Variants in MED13 observed in about 807,000 individuals in gnomAD.
MED13 encodes mediator of RNA polymerase II transcription subunit 13.
Under a neutral mutation model 225.2 loss-of-function variants are expected in MED13, and 23 were observed. That is an observed-to-expected ratio of 0.10 (90% CI 0.07 to 0.14). The LOEUF is 0.14. Among genes scored for constraint, MED13 ranks in the 10% least tolerant of loss-of-function variants. The pLI is 1.00. For missense variants in MED13, 2,197 were observed against 2,594.5 expected (o/e 0.85, Z 3.33); for synonymous variants, 942 against 889.2 (o/e 1.06, Z -1.06).
chr17:62,022,954 G>A (rs1334963618), intron 8 of MED13, among the ~76,000 whole-genome samples: 2 of 151,576 alleles, frequency 1.3e-5, no homozygotes, highest in Admixed American at 6.6e-5. Flanking sequence ...AGGCTATAAT[G>A]AGCCATGATT....
In MED13 at chr17:61,946,796, T is replaced by A. The variant is rs573788968; in HGVS notation, c.6392+121A>T. ...ACTCAAGTTAGAATAGCAGTGTTTA[T>A]CTAGAGATCCACTGGTACACAACTG... On this transcript the variant is annotated intron_variant, in intron 29 of 29. Transcript: ENST00000397786. The A allele has an allele frequency of 1.2e-4, 133 of 1,087,652 alleles. No homozygotes were observed. The Middle Eastern group carries it at 1.5e-3, about 12-fold the overall frequency. The allele number at this position is 1,087,652 out of a possible 1,614,324, so 67.4% of individuals were successfully genotyped here.
intron 9 of MED13, among the ~76,000 whole-genome samples, chr17:62,000,458 C>T (rs1341055787): frequency 6.6e-6 from 1 of 152,194 alleles, no homozygotes; most frequent in Non-Finnish European, 1.5e-5. Flanking sequence ...GATGTACTCA[C>T]ATTACATGTA....
intron 16 of MED13, among the ~76,000 whole-genome samples, chr17:61,981,886 TA>T (rs1457182584): frequency 6.6e-6 from 1 of 152,246 alleles, no homozygotes; most frequent in Non-Finnish European, 1.5e-5. Flanking sequence ...AGGTGCCCAG[TA>T]AATACTTAAT....
At chr17:62,062,604 A>ACAC (rs1568010392) in intron 2 of MED13, among the ~76,000 whole-genome samples, 151 of 56,954 alleles carry the variant, frequency 2.7e-3, no homozygotes, top group African/African-American at 0.021. Context: ...CACACACCAC[A>ACAC]CACACACACA....
chr17:62,000,198 CACTTAACACAAAT>C (rs2080382299), intron 9 of MED13, among the ~76,000 whole-genome samples: 1 of 152,190 alleles, frequency 6.6e-6, no homozygotes, highest in South Asian at 2.1e-4. Flanking sequence ...AATGGAGTTT[CACTTAACACAAAT>C]AAAACAAAGC....
chr17:61,961,491 G>C lies in MED13; in HGVS notation c.5256+97C>G, dbSNP rs192847249. On this transcript the variant is annotated intron_variant, in intron 22 of 29. Coordinates refer to ENST00000397786, the MANE Select transcript of MED13 (RefSeq NM_005121.3). Reference sequence around the variant, plus strand: ...GCTGAGATTGCCCCACTGCACTCCAGCCTGGGTGACAAAGCAAGGCTCCAT... The same window carrying C: ...GCTGAGATTGCCCCACTGCACTCCACCCTGGGTGACAAAGCAAGGCTCCAT... 8.7e-6 allele frequency: 10 copies of C among 1,145,854 alleles called. No individual in the cohort carries two copies. In the Admixed American group the frequency reaches 2.8e-4, roughly 32 times the overall value. The allele number at this position is 1,145,854 out of a possible 1,614,324, so 71.0% of individuals were successfully genotyped here.
chr17:62,049,078 CAAAAAAA>C (rs890393330), intron 3 of MED13, among the ~76,000 whole-genome samples: 2 of 45,330 alleles, frequency 4.4e-5, no homozygotes, highest in East Asian at 8.2e-4. Context: ...GTAAATAAGA[CAAAAAAA>C]AAAAAAAAAA....
chr17:61,987,650 C>G (rs1326054081), intron 11 of MED13, among the ~76,000 whole-genome samples: 1 of 151,958 alleles, frequency 6.6e-6, no homozygotes, highest in East Asian at 1.9e-4. Flanking sequence ...GTCAGGTAAT[C>G]CATAAAATAG....
rs1230719162 is a variant in MED13, at chr17:61,952,886, C to T, written c.6117+79G>A. On this transcript the variant is annotated intron_variant, in intron 27 of 29. Coordinates refer to ENST00000397786, the MANE Select transcript of MED13 (RefSeq NM_005121.3). ...TCCTGACCTCGTGATCCACCTGCTT[C>T]GCCCTCCCAAAGTGCTGGGATTTTA... 45 of 1,475,356 alleles carry T rather than the reference C, an allele frequency of 3.1e-5. No individual in the cohort carries two copies. The East Asian group carries it at 6.2e-4, about 20-fold the overall frequency. 91.4% of individuals were successfully genotyped at this position (1,475,356 alleles called of 1,614,324 possible). A position where few individuals can be genotyped will look rare whatever the true frequency, so the allele number is the denominator to read the frequency against.
At chr17:62,000,910 C>G (rs2080389196) in intron 9 of MED13, among the ~76,000 whole-genome samples, 1 of 151,922 alleles carries the variant, frequency 6.6e-6, no homozygotes, top group Admixed American at 6.6e-5. Flanking sequence ...TTACAGGCGC[C>G]TGCCACCACG....
intron 9 of MED13, among the ~76,000 whole-genome samples, chr17:62,000,519 T>A (rs550562639): frequency 6.6e-6 from 1 of 152,158 alleles, no homozygotes; most frequent in Non-Finnish European, 1.5e-5. Context: ...AGTATCAATC[T>A]CTCTCCTTCA....
chr17:62,048,078 A>G (rs891787376), intron 3 of MED13, among the ~76,000 whole-genome samples: 1 of 145,840 alleles, frequency 6.9e-6, no homozygotes, highest in Non-Finnish European at 1.5e-5. Flanking sequence ...ATATGTATAT[A>G]TATATCCCTG....
At chr17:61,963,914 A>G (rs1286054650) in intron 20 of MED13, among the ~76,000 whole-genome samples, 1 of 152,258 alleles carries the variant, frequency 6.6e-6, no homozygotes, top group Non-Finnish European at 1.5e-5. Context: ...CACTATAAAT[A>G]ACTTGGAATC....
chr17:62,024,849 T>C (rs2080685030), intron 8 of MED13, among the ~76,000 whole-genome samples: 1 of 152,228 alleles, frequency 6.6e-6, no homozygotes, highest in African/African-American at 2.4e-5. Flanking sequence ...TTCATGTTCC[T>C]GCAGAAGACA....
At position 62,044,304 on chromosome 17, in the gene MED13, C is replaced by G. The variant is rs376792056; in HGVS notation, c.470+8233G>C. Among the ~76,000 whole-genome samples, 9 of 152,004 alleles carry G rather than the reference C, an allele frequency of 5.9e-5. No individual in the cohort carries two copies. In the East Asian group the frequency reaches 9.7e-4, roughly 16 times the overall value. On this transcript the variant is annotated intron_variant, in intron 3 of 29. Coordinates refer to ENST00000397786, the MANE Select transcript of MED13 (RefSeq NM_005121.3). ...TGTTTTAATTATAAATATAAAGGTT[C>G]TTGTGTAAGCAATACCACCCAAAAA...
At chr17:61,984,950 G>T (rs1371380947) in intron 13 of MED13, 50 bp downstream of exon 13, 1 of 1,598,534 alleles carries the variant, frequency 6.3e-7, no homozygotes, top group Non-Finnish European at 8.6e-7. Flanking sequence ...GAGCTTTGTT[G>T]AGATTAAAAG....
At chr17:62,006,504 G>A (rs868345421) in intron 9 of MED13, 10 of 152,118 alleles carry the variant, frequency 6.6e-5, no homozygotes, top group African/African-American at 1.4e-4. Flanking sequence ...ATCATAAAGC[G>A]AATTATCTGA....
rs368762569 is a variant in MED13 at position 62,063,151 on chromosome 17, G to C, written c.217C>G (p.Gln73Glu). 2 of 1,614,038 alleles carry C rather than the reference G, an allele frequency of 1.2e-6. No individual in the cohort carries two copies. The highest frequency in any genetic ancestry group is 1.7e-5 in the Admixed American group (1 of 60,002). The change falls in exon 2 of 30, where the codon CAA becomes GAA. Residue 73 changes from glutamine (Q) to glutamate (E), a missense_variant. Around this residue, in one of 12 missense-constraint regions of MED13, gnomAD observed 884 missense variants for 918.5 expected, o/e 0.96. Coordinates refer to ENST00000397786, the MANE Select transcript of MED13 (RefSeq NM_005121.3). ...CACAATTCTCTTCTTCCAGGTCTTT[G>C]ATCTCGCCGCCAAACACCAAGTACA... ...ADVLGVWRRD[Q>E]RPGRRELWIF...
rs758477730 is a variant in MED13 at position 62,029,877 on chromosome 17, T to C, written c.1146A>G (p.Glu382=). The change falls in exon 7 of 30, where the codon GAA becomes GAG. Residue 382 remains glutamate (E), a synonymous_variant. Coordinates refer to ENST00000397786, the MANE Select transcript of MED13 (RefSeq NM_005121.3). ...TGTTCTGTGCTCTGTTCATATTGCATTCTTGCCAAACTCTATCCACCACAT... is the reference window on the plus strand; with the variant it reads ...TGTTCTGTGCTCTGTTCATATTGCACTCTTGCCAAACTCTATCCACCACAT... ...ANHVVDRVWQ[E]CNMNRAQNKR... is the part of the protein sequence containing the mutation. The C allele has an allele frequency of 6.2e-7, 1 of 1,612,172 alleles. No homozygotes were observed. Among genetic ancestry groups the C allele is most frequent in the Non-Finnish European group, 8.5e-7 (1 of 1,179,522 alleles).
Sources: gnomAD v4.1 joint callset for allele counts (sites outside exome capture counted in the v4.1 genomes callset) on GRCh38, gnomAD v4.1.1 for gene constraint, gnomAD v4.1.1 regional missense constraint, MANE v1.5 for transcripts, NCBI Gene and HGNC (gene_info 2026-07-23, HGNC 2026-07-21) for gene names.